PCDHGA1: variants seen among roughly 807,000 people sequenced by gnomAD.
PCDHGA1 encodes the protein protocadherin gamma-A1.
PCDHGA1 carries 32 observed loss-of-function variants against 58.0 expected under a neutral mutation model. The ratio of observed to expected loss-of-function variants is 0.55; its 90% CI spans 0.42 to 0.74. PCDHGA1 has a LOEUF of 0.74. Among genes scored for constraint, PCDHGA1 ranks in the 30% least tolerant of loss-of-function variants. PCDHGA1 has a pLI of 0.00. For synonymous variants in PCDHGA1, 498 were observed against 501.1 expected (o/e 0.99, Z 0.08); for missense variants, 1,205 against 1,182.3 (o/e 1.02, Z -0.28).
At chr5:141,465,742 A>G (rs1425097489) in intron 1 of PCDHGA1, among the ~76,000 whole-genome samples, 1 of 151,214 alleles carries the variant, frequency 6.6e-6, no homozygotes, top group Non-Finnish European at 1.5e-5. Flanking sequence ...TGTTTTCAGG[A>G]TCAGACTGGT....
chr5:141,392,968 T>C (rs748824740), intron 1 of PCDHGA1: 1 of 1,613,910 alleles, frequency 6.2e-7, no homozygotes, highest in Non-Finnish European at 8.5e-7. Context: ...TCCAAGGACC[T>C]GGGGCTGGAC....
At chr5:141,355,160 A>G (rs1483905698) in intron 1 of PCDHGA1, 1 of 1,559,252 alleles carries the variant, frequency 6.4e-7, no homozygotes, top group East Asian at 2.3e-5. Context: ...GCCTCGACAG[A>G]GGGAAAACCG....
chr5:141,365,004 C>A (rs746525916), intron 1 of PCDHGA1: 1 of 1,613,818 alleles, frequency 6.2e-7, no homozygotes, highest in African/African-American at 1.3e-5. Flanking sequence ...CTCTCCGGCA[C>A]CACGCACATC....
At position 141,357,085 on chromosome 5, in the gene PCDHGA1, G is replaced by T. The variant is rs768829720; in HGVS notation, c.2421+23980G>T. The T allele has an allele frequency of 4.3e-6, 7 of 1,613,900 alleles. No individual in the cohort carries two copies. In the East Asian group the frequency reaches 8.9e-5, roughly 21 times the overall value. On this transcript the variant is annotated intron_variant, in intron 1 of 3. Transcript: ENST00000517417. ...GCTGCACACAGGCGAGGTGCGCACC[G>T]CACGGGCCCTGCTGGACAGAGACGC... is the stretch of plus-strand genomic sequence containing the variant.
intron 1 of PCDHGA1, chr5:141,361,952 A>G (rs748413942): frequency 4.4e-6 from 7 of 1,603,624 alleles, no homozygotes; most frequent in East Asian, 2.2e-5. Context: ...TGGCTGTCCT[A>G]CCACGTGCTG....
At chr5:141,365,940 G>A (rs1433915160) in intron 1 of PCDHGA1, 1 of 1,614,248 alleles carries the variant, frequency 6.2e-7, no homozygotes, top group East Asian at 2.2e-5. Flanking sequence ...GCCAGCGACA[G>A]TGGGAACCCT....
At chr5:141,382,824 A>T in intron 1 of PCDHGA1, 4 of 1,326,118 alleles carry the variant, frequency 3.0e-6, no homozygotes, top group Non-Finnish European at 4.1e-6. Context: ...CCTAAGACAG[A>T]GGGGTCCACC....
chr5:141,470,842 CA>C (rs1300821457), intron 1 of PCDHGA1, among the ~76,000 whole-genome samples: 2 of 152,044 alleles, frequency 1.3e-5, no homozygotes, highest in African/African-American at 4.8e-5. Flanking sequence ...CACACGCCAC[CA>C]TGCTCAGATA....
At chr5:141,391,759 T>C (rs901291558) in intron 1 of PCDHGA1, 1 of 152,196 alleles carries the variant, frequency 6.6e-6, no homozygotes, top group Non-Finnish European at 1.5e-5. Context: ...GGCTTCTTAG[T>C]AAGTATTATA....
rs537519654 is a variant in PCDHGA1 at position 141,332,589 on chromosome 5, A to G, written c.1905A>G (p.Arg635=). Residue 635 remains arginine (R), a synonymous_variant, in exon 1 of 4, where the codon AGA becomes AGG. Transcript: ENST00000517417. The surrounding 1 kb of genome is among the most constrained non-coding windows in gnomAD (Gnocchi z 4.6). ...EVRTARALLD[R]DALKQSLVVA... Reference sequence around the variant, plus strand: ...GCACGGCGCGAGCCCTGCTGGACAGAGACGCGCTCAAGCAGAGTCTCGTGG... The same window carrying G: ...GCACGGCGCGAGCCCTGCTGGACAGGGACGCGCTCAAGCAGAGTCTCGTGG... 38 of 1,612,746 alleles carry G rather than the reference A, an allele frequency of 2.4e-5. No homozygotes were observed. Among genetic ancestry groups the G allele is most frequent in the Middle Eastern group, 3.8e-4 (2 of 5,332 alleles).
intron 1 of PCDHGA1, among the ~76,000 whole-genome samples, chr5:141,443,787 A>C (rs957552086): frequency 3.3e-5 from 5 of 152,222 alleles, no homozygotes; most frequent in African/African-American, 1.2e-4. Flanking sequence ...AAGACAAAAA[A>C]AATGAAAAGG....
chr5:141,399,241 T>C, intron 1 of PCDHGA1: 3 of 1,613,950 alleles, frequency 1.9e-6, no homozygotes, highest in South Asian at 1.1e-5. Flanking sequence ...TGACCAAGAT[T>C]CTGGGGAAAA....
chr5:141,339,325 A>T, intron 1 of PCDHGA1: 1 of 1,614,264 alleles, frequency 6.2e-7, no homozygotes, highest in East Asian at 2.2e-5. Context: ...CTATTTATTC[A>T]GTAGAGGTGG....
At chr5:141,420,006 G>C (rs2096458103) in intron 1 of PCDHGA1, 2 of 1,613,934 alleles carry the variant, frequency 1.2e-6, no homozygotes, top group Admixed American at 3.3e-5. Flanking sequence ...CTACGCCTGC[G>C]ACAGTCTTTC....
chr5:141,460,507 G>A (rs2098991001), intron 1 of PCDHGA1, among the ~76,000 whole-genome samples: 1 of 152,036 alleles, frequency 6.6e-6, no homozygotes. Context: ...ATGCTGAGAA[G>A]GCTATCTTTT....
At position 141,485,074 on chromosome 5, in the gene PCDHGA1, G is replaced by T. The variant is rs2099606548; in HGVS notation, c.2422-9733G>T. On this transcript the variant is annotated intron_variant, in intron 1 of 3. Transcript: ENST00000517417. The surrounding 1 kb of genome is among the most constrained non-coding windows in gnomAD (Gnocchi z 5.7). ...GGCCGAACCGCGCCAGAGCTGGCGCGGGGAAAGGGAGATAGGTGTCTCCAG... is the reference window on the plus strand; with the variant it reads ...GGCCGAACCGCGCCAGAGCTGGCGCTGGGAAAGGGAGATAGGTGTCTCCAG... The T allele has an allele frequency of 2.2e-6, 2 of 926,946 alleles. No homozygotes were observed. The highest frequency in any genetic ancestry group is 3.4e-6 in the Non-Finnish European group (2 of 596,630). 57.4% of individuals were successfully genotyped at this position (926,946 alleles called of 1,614,324 possible). A position where few individuals can be genotyped will look rare whatever the true frequency, so the allele number is the denominator to read the frequency against.
intron 1 of PCDHGA1, among the ~76,000 whole-genome samples, chr5:141,472,409 C>T (rs2099279484): frequency 6.6e-6 from 1 of 152,016 alleles, no homozygotes; most frequent in South Asian, 2.1e-4. Flanking sequence ...GGCGTGGTGG[C>T]ACGCACCTGT....
intron 1 of PCDHGA1, chr5:141,371,293 A>T (rs748951789): frequency 1.2e-6 from 2 of 1,614,006 alleles, no homozygotes; most frequent in Non-Finnish European, 1.7e-6. Context: ...AAAACGGGGG[A>T]ACTCACCACT....
intron 1 of PCDHGA1, chr5:141,414,689 T>G (rs1256681548): frequency 1.2e-6 from 2 of 1,614,070 alleles, no homozygotes; most frequent in Non-Finnish European, 8.5e-7. Context: ...GGGGTACCTC[T>G]GTCCTCATAC....
Sources: allele counts gnomAD v4.1 joint callset (sites outside exome capture counted in the v4.1 genomes callset), GRCh38; gene constraint gnomAD v4.1.1; non-coding constraint Gnocchi (gnomAD v3.1); transcripts MANE v1.5; gene names NCBI Gene and HGNC (gene_info 2026-07-23, HGNC 2026-07-21).